The following TIAM1 variants were observed in gnomAD, a reference collection of about 807,000 sequenced individuals.
TIAM1 encodes TIAM Rac1 associated GEF 1.
In TIAM1, 65 loss-of-function variants were observed where a neutral mutation model predicts 163.5. The ratio of observed to expected loss-of-function variants is 0.40; its 90% CI spans 0.33 to 0.49. The LOEUF (loss-of-function observed/expected upper bound fraction) is 0.49. TIAM1 is among the 20% of genes least tolerant of loss of function. The pLI, the probability that TIAM1 is intolerant of heterozygous loss-of-function variation, is 0.77. For synonymous variants in TIAM1, 833 were observed against 810.1 expected (o/e 1.03, Z -0.48); for missense variants, 1,789 against 2,044.7 (o/e 0.87, Z 2.41).
At chr21:31,424,197 T>G (rs891026065) in intron 2 of TIAM1, among the ~76,000 whole-genome samples, 2 of 152,244 alleles carry the variant, frequency 1.3e-5, no homozygotes, top group Non-Finnish European at 2.9e-5. Flanking sequence ...CGGTTTTATT[T>G]AGTATCCTGT....
chr21:31,220,046 A>G (rs576144184), intron 8 of TIAM1, among the ~76,000 whole-genome samples: 1 of 152,324 alleles, frequency 6.6e-6, no homozygotes, highest in South Asian at 2.1e-4. Context: ...ATTCTAGAGG[A>G]AAAAAATGTC....
chr21:31,307,137 G>C (rs2074744600), intron 2 of TIAM1, among the ~76,000 whole-genome samples: 1 of 152,164 alleles, frequency 6.6e-6, no homozygotes, highest in Non-Finnish European at 1.5e-5. Context: ...TGATATAATG[G>C]AATGAGGCAC....
chr21:31,491,564 CTCTG>C (rs764977234), intron 1 of TIAM1, among the ~76,000 whole-genome samples: 1 of 152,340 alleles, frequency 6.6e-6, no homozygotes, highest in East Asian at 1.9e-4. Flanking sequence ...TTTCTTCACA[CTCTG>C]TCTGTAACTC....
chr21:31,118,848 G>C lies in TIAM1; in HGVS notation c.*1520C>G. On this transcript the variant is annotated 3_prime_UTR_variant, in exon 28 of 28. Coordinates refer to ENST00000541036, the MANE Select transcript of TIAM1 (RefSeq NM_001353694.2). ...CGAAAGGCGGGGGGAATACAGGGTG[G>C]GAACGCAGGAAAAGCAGGCAGAGGC... 2 of 342,470 alleles carry C rather than the reference G, an allele frequency of 5.8e-6. No individual in the cohort carries two copies. The highest frequency in any genetic ancestry group is 1.1e-5 in the Non-Finnish European group (2 of 175,486). 21.2% of individuals were successfully genotyped at this position (342,470 alleles called of 1,614,324 possible). A position where few individuals can be genotyped will look rare whatever the true frequency, so the allele number is the denominator to read the frequency against.
At chr21:31,228,989 C>T (rs1428484866) in intron 6 of TIAM1, among the ~76,000 whole-genome samples, 1 of 152,142 alleles carries the variant, frequency 6.6e-6, no homozygotes, top group East Asian at 1.9e-4. Flanking sequence ...ATGGAGGTAA[C>T]CGCCCCCATG....
intron 1 of TIAM1, among the ~76,000 whole-genome samples, chr21:31,501,763 T>A (rs1052350438): frequency 2.6e-5 from 4 of 152,100 alleles, no homozygotes; most frequent in African/African-American, 9.7e-5. Context: ...CCACCACGCC[T>A]GGCTAATTTT....
chr21:31,181,521 G>T (rs77051636), intron 15 of TIAM1, among the ~76,000 whole-genome samples: 1,736 of 144,158 alleles, frequency 0.012, 36 homozygotes, highest in African/African-American at 0.041. Context: ...GGGCAGGGGG[G>T]TCACTGAAGC....
chr21:31,375,168 T>A (rs529899010), intron 2 of TIAM1, among the ~76,000 whole-genome samples: 96 of 152,310 alleles, frequency 6.3e-4, no homozygotes, highest in Middle Eastern at 6.8e-3. Context: ...CTAAGAAACA[T>A]CCAGTATGCG....
intron 2 of TIAM1, among the ~76,000 whole-genome samples, chr21:31,397,867 T>C (rs1330187006): frequency 6.6e-6 from 1 of 152,184 alleles, no homozygotes; most frequent in African/African-American, 2.4e-5. Flanking sequence ...GGTCTCACAC[T>C]AACCATTTAC....
chr21:31,159,088 A>G (rs1442717214), intron 16 of TIAM1, among the ~76,000 whole-genome samples: 1 of 152,152 alleles, frequency 6.6e-6, no homozygotes, highest in African/African-American at 2.4e-5. Context: ...TGGGGAAAGT[A>G]AAAACCTCTC....
At chr21:31,532,491 C>G (rs1037297237) in intron 1 of TIAM1, among the ~76,000 whole-genome samples, 2 of 152,158 alleles carry the variant, frequency 1.3e-5, no homozygotes, top group African/African-American at 4.8e-5. Flanking sequence ...AAAGGGGAGT[C>G]AAGCAATTAA....
chr21:31,256,144 G>A (rs113677699), intron 4 of TIAM1, among the ~76,000 whole-genome samples: 1 of 152,144 alleles, frequency 6.6e-6, no homozygotes, highest in East Asian at 1.9e-4. Context: ...GGAGGGTCAC[G>A]CAGCATGAAT....
At chr21:31,306,359 A>C (rs1471916286) in intron 2 of TIAM1, among the ~76,000 whole-genome samples, 1 of 152,212 alleles carries the variant, frequency 6.6e-6, no homozygotes, top group East Asian at 1.9e-4. Context: ...ACAAGTCCAT[A>C]TAGAGAGAAA....
intron 27 of TIAM1, among the ~76,000 whole-genome samples, chr21:31,123,557 A>T (rs1423481875): frequency 6.6e-6 from 1 of 152,220 alleles, no homozygotes; most frequent in Non-Finnish European, 1.5e-5. Flanking sequence ...TGAAGAATGT[A>T]ATATCCCATG....
intron 3 of TIAM1, among the ~76,000 whole-genome samples, chr21:31,269,492 T>C (rs1189090756): frequency 1.3e-5 from 2 of 152,166 alleles, no homozygotes; most frequent in Non-Finnish European, 2.9e-5. Context: ...TTGAAAGCTG[T>C]TCCTGAGAGG....
chr21:31,242,686 T>C (rs1352468238), intron 6 of TIAM1, among the ~76,000 whole-genome samples: 2 of 151,946 alleles, frequency 1.3e-5, no homozygotes, highest in Non-Finnish European at 2.9e-5. Context: ...GACCTGGCAA[T>C]TTATGAGACA....
chr21:31,218,825 C>A (rs567241025), intron 8 of TIAM1, among the ~76,000 whole-genome samples: 1 of 152,126 alleles, frequency 6.6e-6, no homozygotes, highest in South Asian at 2.1e-4. Flanking sequence ...GATGTCCCTA[C>A]CTAAGCCTTT....
chr21:31,495,097 A>G (rs938541178), intron 1 of TIAM1, among the ~76,000 whole-genome samples: 1 of 152,228 alleles, frequency 6.6e-6, no homozygotes, highest in Non-Finnish European at 1.5e-5. Flanking sequence ...TAAATGTGTT[A>G]GGCGTAAAAG....
intron 1 of TIAM1, among the ~76,000 whole-genome samples, chr21:31,489,520 A>AAGGAAGGG (rs2046391785): frequency 9.4e-6 from 1 of 105,832 alleles, no homozygotes; most frequent in African/African-American, 3.9e-5. Context: ...GGAGGGAAGG[A>AAGGAAGGG]AGGGAGGGAG....
Sources: allele counts gnomAD v4.1 joint callset (sites outside exome capture counted in the v4.1 genomes callset), GRCh38; gene constraint gnomAD v4.1.1; transcripts MANE v1.5; gene names NCBI Gene and HGNC (gene_info 2026-07-23, HGNC 2026-07-21).